Variants in FGF13 observed in about 807,000 individuals in gnomAD.
FGF13 encodes the protein fibroblast growth factor homologous factor 2.
A neutral mutation model predicts 19.5 loss-of-function variants in FGF13; 2 were observed. That is an observed-to-expected ratio of 0.10 (90% CI 0.04 to 0.32). The LOEUF is 0.32. FGF13 is among the 10% of genes least tolerant of loss of function. FGF13 has a pLI of 1.00. For synonymous variants in FGF13, 72 were observed against 76.9 expected, an observed-to-expected ratio of 0.94 and a Z score of 0.33; for missense variants, 113 against 192.7, an observed-to-expected ratio of 0.59 and a Z score of 2.45.
downstream of FGF13, among the ~76,000 whole-genome samples, chrX:138,854,648 TTTAA>T (rs767694579): frequency 1.2e-4 from 14 of 112,525 alleles, no homozygotes; most frequent in South Asian, 3.7e-4. Flanking sequence ...CATAAACCTG[TTTAA>T]TTAATCATTT....
rs1022357524 is a variant in FGF13, at chrX:138,632,555, C to T, written c.*295G>A. ...TGATCAGCATTAGTGCTGTGAAATACTTTTGGATTATCATCCCCAAAGTAT... is the reference window on the plus strand; with the variant it reads ...TGATCAGCATTAGTGCTGTGAAATATTTTTGGATTATCATCCCCAAAGTAT... On this transcript the variant is annotated 3_prime_UTR_variant, in exon 5 of 5. Coordinates refer to ENST00000315930, the MANE Select transcript of FGF13 (RefSeq NM_004114.5). 8.2e-5 allele frequency: 14 copies of T among 171,109 alleles called. No homozygotes were observed. Among genetic ancestry groups the T allele is most frequent in the Non-Finnish European group, 1.5e-4 (14 of 90,460 alleles). 14.1% of individuals were successfully genotyped at this position (171,109 alleles called of 1,213,427 possible). A position where few individuals can be genotyped will look rare whatever the true frequency, so the allele number is the denominator to read the frequency against.
At chrX:138,891,353 T>C (rs2091476055) in intron 1 of FGF13, among the ~76,000 whole-genome samples, 1 of 111,664 alleles carries the variant, frequency 9.0e-6, no homozygotes, top group Admixed American at 9.5e-5. Context: ...GGTGTCAGCA[T>C]GTTCGGCTTC....
At chrX:138,994,160 G>A (rs1196454313) in intron 1 of FGF13, among the ~76,000 whole-genome samples, 1 of 111,364 alleles carries the variant, frequency 9.0e-6, no homozygotes, top group Admixed American at 9.6e-5. Flanking sequence ...TCATAGTCTG[G>A]AGCCTGAAAG....
intron 3 of FGF13, among the ~76,000 whole-genome samples, chrX:138,698,894 C>T (rs1397800831): frequency 9.0e-6 from 1 of 111,647 alleles, no homozygotes; most frequent in Non-Finnish European, 1.9e-5. Context: ...CAAAAGCAGC[C>T]GTAGACAATA....
chrX:139,084,292 A>G (rs754462647), intron 1 of FGF13, among the ~76,000 whole-genome samples: 17 of 111,605 alleles, frequency 1.5e-4, no homozygotes, highest in African/African-American at 5.5e-4. Flanking sequence ...ATTTAGTCCT[A>G]CATGTCATTG....
intron 1 of FGF13, among the ~76,000 whole-genome samples, chrX:139,171,968 C>T (rs1603229914): frequency 9.0e-6 from 1 of 111,622 alleles, no homozygotes; most frequent in Admixed American, 9.5e-5. Flanking sequence ...CAAGTTGCTT[C>T]GATGTGACTG....
At chrX:139,075,778 T>C (rs1326328888) in intron 1 of FGF13, among the ~76,000 whole-genome samples, 2 of 111,967 alleles carry the variant, frequency 1.8e-5, no homozygotes, top group Non-Finnish European at 3.8e-5. Context: ...CATTAATTTG[T>C]CCATACCAAA....
chrX:139,079,615 C>G (rs1014868259), intron 1 of FGF13, among the ~76,000 whole-genome samples: 20 of 110,819 alleles, frequency 1.8e-4, no homozygotes, highest in Admixed American at 1.4e-3. Context: ...CCCCAACTAG[C>G]AACTAACACA....
intron 3 of FGF13, among the ~76,000 whole-genome samples, chrX:138,688,960 C>T (rs148785807): frequency 0.019 from 2,127 of 111,385 alleles, 45 homozygotes; most frequent in African/African-American, 0.064. Context: ...TATCTGTCAT[C>T]ATGTAATTTC....
intron 1 of FGF13, among the ~76,000 whole-genome samples, chrX:139,122,131 C>T (rs2083681566): frequency 9.0e-6 from 1 of 111,252 alleles, no homozygotes; most frequent in African/African-American, 3.3e-5. Context: ...AATTGTTTTC[C>T]ATCTCTAACA....
At chrX:139,023,596 G>C (rs985151711) in intron 1 of FGF13, among the ~76,000 whole-genome samples, 1 of 111,251 alleles carries the variant, frequency 9.0e-6, no homozygotes, top group Non-Finnish European at 1.9e-5. Context: ...CTTTAAGAAA[G>C]TTCATACCAG....
intron 3 of FGF13, among the ~76,000 whole-genome samples, chrX:138,848,357 G>C (rs1475746186): frequency 9.0e-6 from 1 of 111,090 alleles, no homozygotes; most frequent in African/African-American, 3.3e-5. Flanking sequence ...ATTGACAGCT[G>C]ACATCACTCA....
intron 3 of FGF13, among the ~76,000 whole-genome samples, chrX:138,823,625 A>G (rs769494042): frequency 1.3e-4 from 15 of 111,843 alleles, no homozygotes; most frequent in Non-Finnish European, 2.8e-4. Context: ...AGCAAGGGGC[A>G]CCTTGAATCT....
At chrX:138,780,651 C>T (rs2090633143) in intron 3 of FGF13, among the ~76,000 whole-genome samples, 1 of 100,331 alleles carries the variant, frequency 1.0e-5, no homozygotes, top group Non-Finnish European at 2.0e-5. Flanking sequence ...ACAGGAGCAC[C>T]CAGATTCATA....
At chrX:138,748,583 G>A (rs2090373349) in intron 3 of FGF13, among the ~76,000 whole-genome samples, 1 of 112,020 alleles carries the variant, frequency 8.9e-6, no homozygotes, top group Non-Finnish European at 1.9e-5. Flanking sequence ...GTGGTATTTT[G>A]TTATGTCAGT....
intron 1 of FGF13, among the ~76,000 whole-genome samples, chrX:139,150,582 T>C (rs1461699683): frequency 9.0e-6 from 1 of 111,708 alleles, no homozygotes; most frequent in Non-Finnish European, 1.9e-5. Context: ...AGCCCTCATC[T>C]AGCCTGTGAA....
chrX:139,047,403 CT>C (rs1199764625), intron 1 of FGF13, among the ~76,000 whole-genome samples: 10 of 107,107 alleles, frequency 9.3e-5, no homozygotes, highest in Non-Finnish European at 1.4e-4. Context: ...TTTTTTTTTT[CT>C]TTTTTTTATT....
rs1176467395 is a variant in FGF13, at chrX:138,619,656, G to A, written c.*13194C>T. 1.8e-5 allele frequency: 2 copies of A among 110,215 alleles called. No homozygotes were observed. The highest frequency in any genetic ancestry group is 6.6e-5 in the African/African-American group (2 of 30,360). The allele number at this position is 110,215 out of a possible 1,213,427, so 9.1% of individuals were successfully genotyped here. ...AAAACCGCATCAAAAAGTGGGCAAA[G>A]GACATGAACAGACACTTCTCAAAAA... On this transcript the variant is annotated 3_prime_UTR_variant, in exon 5 of 5. Transcript: ENST00000315930.
At chrX:138,701,511 G>T (rs17510144) in intron 3 of FGF13, among the ~76,000 whole-genome samples, 1,760 of 111,980 alleles carry the variant, frequency 0.016, 23 homozygotes, top group Admixed American at 0.055. Context: ...TTTTCATTTA[G>T]TAAAAAGAGC....
Sources: allele counts gnomAD v4.1 joint callset (sites outside exome capture counted in the v4.1 genomes callset), GRCh38; gene constraint gnomAD v4.1.1; transcripts MANE v1.5; gene names NCBI Gene and HGNC (gene_info 2026-07-23, HGNC 2026-07-21).